Variants in KLC1 observed in about 807,000 individuals in gnomAD.
KLC1 encodes the protein kinesin 2 60/70kDa.
A neutral mutation model predicts 84.2 loss-of-function variants in KLC1; 30 were observed. The observed-to-expected ratio is 0.36, with a 90% CI of 0.27 to 0.48. KLC1 has a LOEUF of 0.48. Among genes scored for constraint, KLC1 ranks in the 20% least tolerant of loss-of-function variants. KLC1 has a pLI of 0.99. For synonymous variants in KLC1, 289 were observed against 293.3 expected (o/e 0.99, Z 0.15); for missense variants, 499 against 805.4 (o/e 0.62, Z 4.60).
At position 103,701,300 on chromosome 14, in the gene KLC1, C is replaced by T. The variant is rs181520928; in HGVS notation, c.*101C>T. The T allele has an allele frequency of 4.8e-5, 62 of 1,284,746 alleles. No individual in the cohort carries two copies. Among genetic ancestry groups the T allele is most frequent in the South Asian group, 4.2e-4 (33 of 77,714 alleles). The allele number at this position is 1,284,746 out of a possible 1,614,324, so 79.6% of individuals were successfully genotyped here. On this transcript the variant is annotated 3_prime_UTR_variant, in exon 17 of 17. Transcript: ENST00000334553. The stretch of plus-strand genomic sequence containing the variant: ...GCAGGGAGGGCCCCTGGCCGGGAGC[C>T]GCAGCGCTCACTCATTTCTCCTGCG...
At chr14:103,646,633 TTTTC>T (rs779803800) in intron 1 of KLC1, among the ~76,000 whole-genome samples, 2 of 152,052 alleles carry the variant, frequency 1.3e-5, no homozygotes, top group Non-Finnish European at 2.9e-5. Flanking sequence ...AGCTAATTTT[TTTTC>T]TTTCTTTTTT....
Position 103,669,550 on chromosome 14 carries a change from T to C in KLC1, c.837T>C (p.Asn279=). The C allele has an allele frequency of 6.2e-7, 1 of 1,613,240 alleles. No individual in the cohort carries two copies. The highest frequency in any genetic ancestry group is 8.5e-7 in the Non-Finnish European group (1 of 1,179,172). ...ACAAAGATGCAGCTAACCTACTGAA[T>C]GATGCCTTGGCTATTCGTGAGAAAA... ...NKYKDAANLL[N]DALAIREKTL... Residue 279 remains asparagine (N), a synonymous_variant, in exon 6 of 17, where the codon AAT becomes AAC. Coordinates refer to ENST00000334553, the MANE Select transcript of KLC1 (RefSeq NM_001394837.1).
At position 103,694,174 on chromosome 14, in the gene KLC1, G is replaced by A; in HGVS notation, c.1848+1749G>A. ...CCAAGGTCCCCATGCCTGTGGCCCT[G>A]GGGCCCCATGCCCCCTTTTGAGCTG... On this transcript the variant is annotated intron_variant, in intron 15 of 16. Coordinates refer to ENST00000334553, the MANE Select transcript of KLC1 (RefSeq NM_001394837.1). This position sits in a 1 kb window ranked among gnomAD's most constrained non-coding sequence, Gnocchi z 4.5. The A allele has an allele frequency of 1.0e-6, 1 of 985,784 alleles. No individual in the cohort carries two copies. Among genetic ancestry groups the A allele is most frequent in the Non-Finnish European group, 1.2e-6 (1 of 830,222 alleles). The allele number at this position is 985,784 out of a possible 1,614,324, so 61.1% of individuals were successfully genotyped here.
intron 1 of KLC1, among the ~76,000 whole-genome samples, chr14:103,640,269 A>C (rs1280279861): frequency 6.7e-6 from 1 of 150,278 alleles, no homozygotes; most frequent in African/African-American, 2.5e-5. Context: ...CATGTTGACC[A>C]GGCTGGTCTC....
At chr14:103,629,685 G>T (rs1392552544) in intron 1 of KLC1, among the ~76,000 whole-genome samples, 191 bp downstream of exon 1, 1 of 145,462 alleles carries the variant, frequency 6.9e-6, no homozygotes, top group Admixed American at 6.8e-5. Context: ...GCCGGTCCGC[G>T]ACCCCTTCCA....
At chr14:103,697,098 A>G (rs1016033806) in intron 15 of KLC1, 111 of 985,344 alleles carry the variant, frequency 1.1e-4, no homozygotes, top group Non-Finnish European at 1.3e-4. Flanking sequence ...CTAGAAAAGC[A>G]TTTGGAATTG....
intron 1 of KLC1, among the ~76,000 whole-genome samples, chr14:103,630,216 G>A (rs1595174058): frequency 6.6e-6 from 1 of 152,208 alleles, no homozygotes; most frequent in African/African-American, 2.4e-5. Flanking sequence ...ATGTAAAATT[G>A]GGTGTACCCT....
Position 103,693,415 on chromosome 14 carries a change from C to T in KLC1, c.1848+990C>T, listed in dbSNP as rs2082233041. ...TCCAGTTTCTTGGAGTTTCTACATG[C>T]ACATTGACCCCTGGGCCTCTCGAGT... On this transcript the variant is annotated intron_variant, in intron 15 of 16. Transcript: ENST00000334553. This position sits in a 1 kb window ranked among gnomAD's most constrained non-coding sequence, Gnocchi z 5.1. The T allele has an allele frequency of 4.5e-6, 6 of 1,330,026 alleles. No individual in the cohort carries two copies. In the South Asian group the frequency reaches 8.7e-5, roughly 19 times the overall value. The allele number at this position is 1,330,026 out of a possible 1,614,324, so 82.4% of individuals were successfully genotyped here. A position where few individuals can be genotyped will look rare whatever the true frequency, so the allele number is the denominator to read the frequency against.
At chr14:103,683,415 G>T (rs753387707) in intron 13 of KLC1, 1 of 152,256 alleles carries the variant, frequency 6.6e-6, no homozygotes, top group Non-Finnish European at 1.5e-5. Flanking sequence ...TCTCTCTCAC[G>T]GTCTTGCCTC....
intron 15 of KLC1, among the ~76,000 whole-genome samples, chr14:103,692,910 G>C (rs1425228866): frequency 6.6e-6 from 1 of 152,166 alleles, no homozygotes; most frequent in South Asian, 2.1e-4. Context: ...GCAGTTGCTC[G>C]GGCCTCACAC....
intron 15 of KLC1, 38 bp downstream of exon 15, chr14:103,692,463 A>G: frequency 6.6e-7 from 1 of 1,523,342 alleles, no homozygotes; most frequent in Non-Finnish European, 8.8e-7. Flanking sequence ...TAGGCTGCCC[A>G]GACCACGCTG....
At chr14:103,690,676 C>G (rs1336898332) in intron 14 of KLC1, among the ~76,000 whole-genome samples, 2 of 152,234 alleles carry the variant, frequency 1.3e-5, no homozygotes, top group Non-Finnish European at 2.9e-5. Flanking sequence ...TTCAAGTAAC[C>G]CTCAGTATCG....
intron 15 of KLC1, chr14:103,698,998 A>G: frequency 6.3e-7 from 1 of 1,593,398 alleles, no homozygotes; most frequent in South Asian, 1.1e-5. Flanking sequence ...AGGGCTGGGG[A>G]AACACGTTCG....
intron 8 of KLC1, 34 bp from the exon 9 acceptor site, chr14:103,673,298 A>T: frequency 6.5e-7 from 1 of 1,543,454 alleles, no homozygotes; most frequent in Non-Finnish European, 8.7e-7. Context: ...TACATCTGAA[A>T]GATATGAAAT....
intron 1 of KLC1, among the ~76,000 whole-genome samples, chr14:103,633,900 G>C (rs1384949605): frequency 6.6e-6 from 1 of 151,740 alleles, no homozygotes; most frequent in Non-Finnish European, 1.5e-5. Context: ...ACGGAGTCTC[G>C]CTCTGTCACC....
chr14:103,661,809 G>A (rs2079318020), intron 3 of KLC1, among the ~76,000 whole-genome samples: 1 of 152,082 alleles, frequency 6.6e-6, no homozygotes, highest in African/African-American at 2.4e-5. Flanking sequence ...TTGAGTCAGG[G>A]TTTTCCCTGC....
chr14:103,635,036 G>A (rs1449961726), intron 1 of KLC1, among the ~76,000 whole-genome samples: 2 of 151,974 alleles, frequency 1.3e-5, no homozygotes, highest in Non-Finnish European at 2.9e-5. Context: ...TTTTTTTTTA[G>A]TTTTAACTAA....
At chr14:103,638,197 G>GA (rs1449999335) in intron 1 of KLC1, among the ~76,000 whole-genome samples, 9 of 151,920 alleles carry the variant, frequency 5.9e-5, no homozygotes, top group African/African-American at 2.2e-4. Context: ...CCTTTGCAAG[G>GA]AAAAAACCTC....
rs946662689 is a variant in KLC1, at chr14:103,662,420, G to A, written c.571+226G>A. On this transcript the variant is annotated intron_variant, in intron 4 of 16. Coordinates refer to ENST00000334553, the MANE Select transcript of KLC1 (RefSeq NM_001394837.1). Reference sequence around the variant, plus strand: ...CGGCATGCACGTGCAGTTCAGGCGTGGTCTGCAGATTCTTACAGGGTGAAG... The same window carrying A: ...CGGCATGCACGTGCAGTTCAGGCGTAGTCTGCAGATTCTTACAGGGTGAAG... Among the ~76,000 whole-genome samples, 11 of 152,046 alleles carry A rather than the reference G, an allele frequency of 7.2e-5. No homozygotes were observed. The East Asian group carries it at 1.2e-3, about 16-fold the overall frequency.
Sources: allele counts gnomAD v4.1 joint callset (sites outside exome capture counted in the v4.1 genomes callset), GRCh38; gene constraint gnomAD v4.1.1; non-coding constraint Gnocchi (gnomAD v3.1); transcripts MANE v1.5; gene names NCBI Gene and HGNC (gene_info 2026-07-23, HGNC 2026-07-21).